LRRTM3: variants seen among roughly 807,000 people sequenced by gnomAD.
The protein encoded by LRRTM3 is leucine rich repeat transmembrane neuronal 3.
LRRTM3 carries 24 observed loss-of-function variants against 44.7 expected under a neutral mutation model. The ratio of observed to expected loss-of-function variants is 0.54; its 90% CI spans 0.39 to 0.76. LRRTM3 has a LOEUF of 0.76. LRRTM3 is among the 30% of genes least tolerant of loss of function. LRRTM3 has a pLI of 0.00. For synonymous variants in LRRTM3, 277 were observed against 278.7 expected (o/e 0.99, Z 0.06); for missense variants, 587 against 702.2 (o/e 0.84, Z 1.85).
At chr10:67,038,642 A>G (rs764496373) in intron 2 of LRRTM3, among the ~76,000 whole-genome samples, 7 of 152,108 alleles carry the variant, frequency 4.6e-5, no homozygotes, top group Non-Finnish European at 7.4e-5. Context: ...CTTTCAACCA[A>G]GTACTTGTCA....
chr10:67,053,703 A>C (rs1273083961), intron 2 of LRRTM3, among the ~76,000 whole-genome samples: 2 of 152,202 alleles, frequency 1.3e-5, no homozygotes, highest in African/African-American at 4.8e-5. Flanking sequence ...AAGAGCAAAA[A>C]CAAATGAAAA....
At chr10:66,960,680 A>G (rs1431620108) in intron 2 of LRRTM3, among the ~76,000 whole-genome samples, 1 of 152,208 alleles carries the variant, frequency 6.6e-6, no homozygotes, top group Non-Finnish European at 1.5e-5. Flanking sequence ...TTAAATTTGC[A>G]AGCATCTCTT....
In LRRTM3 at chr10:66,991,197, G is replaced by A. The variant is rs561870739; in HGVS notation, c.1536+62745G>A. Among the ~76,000 whole-genome samples the A allele has an allele frequency of 1.7e-4, 26 of 152,276 alleles. No individual in the cohort carries two copies. In the South Asian group the frequency reaches 5.4e-3, roughly 32 times the overall value. On this transcript the variant is annotated intron_variant, in intron 2 of 2. Coordinates refer to ENST00000361320, the MANE Select transcript of LRRTM3 (RefSeq NM_178011.5). ...TTCAAACATTCAGGGAAGTAAAAAT[G>A]TCACTATGCCAGGTTTTCTAAATTT... is the stretch of plus-strand genomic sequence containing the variant.
chr10:66,926,657 A>G, intron 1 of LRRTM3, 70 bp downstream of exon 1: 1 of 1,539,420 alleles, frequency 6.5e-7, no homozygotes, highest in Non-Finnish European at 9.0e-7. Flanking sequence ...GTGTGTAATA[A>G]TTCTGCCTTA....
At position 67,066,195 on chromosome 10, in the gene LRRTM3, C is replaced by CT. The variant is rs71006118; in HGVS notation, c.1537-31375dup. ...CTGCTGTGCCCACTGAAGTCACTGG[C>CT]TTTTTTTTTTTTTTTTTGAGACAGT... On this transcript the variant is annotated intron_variant, in intron 2 of 2. Transcript: ENST00000361320. Among the ~76,000 whole-genome samples the CT allele has an allele frequency of 3.3e-3, 408 of 123,060 alleles. 6 individuals carry two copies. Among genetic ancestry groups the CT allele is most frequent in the East Asian group, 5.2e-3 (22 of 4,244 alleles). 80.7% of individuals were successfully genotyped at this position (123,060 alleles called of 152,430 possible).
intron 2 of LRRTM3, among the ~76,000 whole-genome samples, chr10:67,019,554 T>C (rs1353012837): frequency 6.6e-6 from 1 of 152,212 alleles, no homozygotes; most frequent in African/African-American, 2.4e-5. Context: ...GCAAGAACTT[T>C]ATCGTATATA....
intron 2 of LRRTM3, among the ~76,000 whole-genome samples, chr10:67,028,282 C>A (rs1853512347): frequency 6.6e-6 from 1 of 152,028 alleles, no homozygotes. Context: ...AATGTAATGG[C>A]ACAGGCAGAT....
At chr10:67,045,763 A>C (rs1011578037) in intron 2 of LRRTM3, among the ~76,000 whole-genome samples, 5 of 152,046 alleles carry the variant, frequency 3.3e-5, no homozygotes, top group Non-Finnish European at 4.4e-5. Flanking sequence ...AAAGAGGAGA[A>C]ACCGAACTGG....
intron 2 of LRRTM3, among the ~76,000 whole-genome samples, chr10:66,971,287 A>G (rs901859408): frequency 2.6e-5 from 4 of 152,038 alleles, no homozygotes; most frequent in Non-Finnish European, 4.4e-5. Context: ...TTAGCTGGGC[A>G]TGGTTGTGTG....
intron 2 of LRRTM3, among the ~76,000 whole-genome samples, chr10:66,930,984 C>G (rs1847354137): frequency 6.6e-6 from 1 of 151,844 alleles, no homozygotes; most frequent in East Asian, 1.9e-4. Context: ...ACTAGTTTAC[C>G]ACTGTAAATT....
rs769297583 is a variant in LRRTM3 at position 66,926,917 on chromosome 10, C to A, written c.5-4C>A. The A allele has an allele frequency of 1.9e-6, 3 of 1,547,384 alleles. No individual in the cohort carries two copies. The highest frequency in any genetic ancestry group is 2.3e-5 in the East Asian group (1 of 43,838). ...TAACTTTTCTAAGTTGTTTTTATTT[C>A]CAGGTTTCAATGTAATTAGGCTACT... On this transcript the variant is annotated splice_region_variant and splice_polypyrimidine_tract_variant and intron_variant, in intron 1 of 2. Coordinates refer to ENST00000361320, the MANE Select transcript of LRRTM3 (RefSeq NM_178011.5).
intron 2 of LRRTM3, among the ~76,000 whole-genome samples, chr10:67,080,892 G>A (rs1409325861): frequency 6.7e-6 from 1 of 149,820 alleles, no homozygotes; most frequent in African/African-American, 2.5e-5. Context: ...CTGGGCGAGA[G>A]AGCGAGACTC....
chr10:67,085,391 G>C (rs1202110287), intron 2 of LRRTM3, among the ~76,000 whole-genome samples: 2 of 147,174 alleles, frequency 1.4e-5, no homozygotes, highest in Non-Finnish European at 3.0e-5. Flanking sequence ...ATGCAACTGT[G>C]AAAAAAAAAA....
chr10:66,965,534 A>T (rs550459043), intron 2 of LRRTM3, among the ~76,000 whole-genome samples: 1 of 147,418 alleles, frequency 6.8e-6, no homozygotes, highest in East Asian at 2.0e-4. Flanking sequence ...ACTCCGTCTC[A>T]AAAAAGAAAG....
intron 2 of LRRTM3, among the ~76,000 whole-genome samples, chr10:67,059,170 A>G (rs1015821884): frequency 2.0e-5 from 3 of 152,176 alleles, no homozygotes; most frequent in African/African-American, 4.8e-5. Flanking sequence ...ACAAGGTAAC[A>G]TAACATCCAC....
intron 2 of LRRTM3, among the ~76,000 whole-genome samples, chr10:66,994,289 C>T (rs1385373617): frequency 6.6e-6 from 1 of 152,112 alleles, no homozygotes; most frequent in Non-Finnish European, 1.5e-5. Flanking sequence ...GGACATTTAA[C>T]GTAGTTAAAA....
At chr10:66,929,718 C>G (rs1016934675) in intron 2 of LRRTM3, among the ~76,000 whole-genome samples, 36 of 152,196 alleles carry the variant, frequency 2.4e-4, no homozygotes, top group African/African-American at 8.2e-4. Context: ...TCCATCAGTA[C>G]AGTTCTGTAC....
chr10:67,018,365 C>A (rs1326945218), intron 2 of LRRTM3, among the ~76,000 whole-genome samples: 1 of 152,192 alleles, frequency 6.6e-6, no homozygotes, highest in Non-Finnish European at 1.5e-5. Context: ...TTTTTAAAGG[C>A]AACACCCCTT....
intron 2 of LRRTM3, among the ~76,000 whole-genome samples, chr10:67,029,775 C>G (rs1853607987): frequency 6.6e-6 from 1 of 152,140 alleles, no homozygotes; most frequent in Admixed American, 6.5e-5. Context: ...CCTGTGATGT[C>G]CAATAGGGTA....
Sources: gnomAD v4.1 joint callset for allele counts (sites outside exome capture counted in the v4.1 genomes callset) on GRCh38, gnomAD v4.1.1 for gene constraint, MANE v1.5 for transcripts, NCBI Gene and HGNC (gene_info 2026-07-23, HGNC 2026-07-21) for gene names.